The following SLC8A3 variants were observed in gnomAD, a reference collection of about 807,000 sequenced individuals.
SLC8A3 encodes the protein solute carrier family 8 member A3, also known as sodium/calcium exchanger 3.
In SLC8A3, 37 loss-of-function variants were observed where a neutral mutation model predicts 65.4. The ratio of observed to expected loss-of-function variants is 0.57; its 90% CI spans 0.44 to 0.74. The LOEUF (loss-of-function observed/expected upper bound fraction) is 0.74, where lower values mean the gene tolerates loss of function less well. Among genes scored for constraint, SLC8A3 ranks in the 30% least tolerant of loss-of-function variants. The pLI, the probability that SLC8A3 is intolerant of heterozygous loss-of-function variation, is 0.00. For synonymous variants in SLC8A3, 461 were observed against 444.5 expected, an observed-to-expected ratio of 1.04 and a Z score of -0.47; for missense variants, 1,112 against 1,172.1, an observed-to-expected ratio of 0.95 and a Z score of 0.75.
intron 2 of SLC8A3, among the ~76,000 whole-genome samples, chr14:70,126,698 C>G (rs149490341): frequency 6.6e-6 from 1 of 151,904 alleles, no homozygotes; most frequent in Non-Finnish European, 1.5e-5. Flanking sequence ...CCAGCTAGGT[C>G]TCTTTGACCT....
chr14:70,114,934 T>C (rs1156510814), intron 2 of SLC8A3, among the ~76,000 whole-genome samples: 1 of 152,106 alleles, frequency 6.6e-6, no homozygotes, highest in South Asian at 2.1e-4. Context: ...GCAGGGCAGA[T>C]ACACAAGGGA....
chr14:70,094,245 T>G (rs1011273626), intron 2 of SLC8A3, among the ~76,000 whole-genome samples: 8 of 152,222 alleles, frequency 5.3e-5, no homozygotes, highest in African/African-American at 1.7e-4. Flanking sequence ...TGCAGCCACC[T>G]ACCTGTGGGA....
intron 2 of SLC8A3, among the ~76,000 whole-genome samples, chr14:70,104,612 A>C: frequency 6.6e-6 from 1 of 152,184 alleles, no homozygotes; most frequent in East Asian, 1.9e-4. Flanking sequence ...ATATACTTGG[A>C]TTGTAGCAGA....
intron 6 of SLC8A3, chr14:70,048,550 C>A: frequency 1.5e-6 from 1 of 652,512 alleles, no homozygotes; most frequent in Non-Finnish European, 2.8e-6. Context: ...AATTGCTGAA[C>A]ACACATGGTG....
chr14:70,176,986 A>T (rs1393656563), intron 1 of SLC8A3, among the ~76,000 whole-genome samples: 1 of 152,156 alleles, frequency 6.6e-6, no homozygotes, highest in African/African-American at 2.4e-5. Context: ...GCATGCATGC[A>T]TTTATGCATT....
intron 2 of SLC8A3, among the ~76,000 whole-genome samples, chr14:70,068,502 T>A (rs1889689557): frequency 6.6e-6 from 1 of 152,020 alleles, no homozygotes; most frequent in Non-Finnish European, 1.5e-5. Context: ...CTCAGCCTCT[T>A]GAGTAGCTGG....
intron 2 of SLC8A3, among the ~76,000 whole-genome samples, chr14:70,123,305 G>A (rs1355727858): frequency 6.6e-6 from 1 of 151,684 alleles, no homozygotes; most frequent in African/African-American, 2.4e-5. Flanking sequence ...TTAAAATAAA[G>A]TCTTATCACT....
chr14:70,138,330 A>G (rs963729530), intron 2 of SLC8A3, among the ~76,000 whole-genome samples: 2 of 152,254 alleles, frequency 1.3e-5, no homozygotes, highest in Non-Finnish European at 2.9e-5. Context: ...TTCAGTACCT[A>G]GAAGAGTACC....
chr14:70,151,489 C>G (rs1287186841), intron 2 of SLC8A3, among the ~76,000 whole-genome samples: 1 of 143,818 alleles, frequency 7.0e-6, no homozygotes, highest in Admixed American at 7.0e-5. Flanking sequence ...CTGGCCTACT[C>G]CTGCCTTGAG....
At chr14:70,127,005 C>T (rs1894502533) in intron 2 of SLC8A3, among the ~76,000 whole-genome samples, 1 of 152,082 alleles carries the variant, frequency 6.6e-6, no homozygotes, top group Non-Finnish European at 1.5e-5. Flanking sequence ...CAATTCCTGG[C>T]CACTGGGAGG....
At chr14:70,048,453 G>A (rs1887047334) in intron 6 of SLC8A3, 2 of 596,364 alleles carry the variant, frequency 3.4e-6, no homozygotes, top group East Asian at 2.8e-5. Context: ...GTGGGCCTCA[G>A]TTTCTTTGTC....
At chr14:70,095,615 T>A (rs1021605281) in intron 2 of SLC8A3, among the ~76,000 whole-genome samples, 4 of 152,182 alleles carry the variant, frequency 2.6e-5, no homozygotes, top group African/African-American at 9.7e-5. Context: ...CCCTGGAATG[T>A]GGAGTTTTAA....
In SLC8A3 at chr14:70,166,731, G is replaced by A. The variant is rs771644779; in HGVS notation, c.1692C>T (p.Val564=). The A allele has an allele frequency of 1.5e-5, 25 of 1,613,836 alleles. No homozygotes were observed. Among genetic ancestry groups the A allele is most frequent in the Non-Finnish European group, 2.0e-5 (24 of 1,179,884 alleles). Residue 564 remains valine (V), a synonymous_variant, in exon 2 of 7, where the codon GTC becomes GTT. Coordinates refer to ENST00000356921, the MANE Select transcript of SLC8A3 (RefSeq NM_182932.3). ...CTGTCCCTTCTACTGTCCTAAAGGG[G>A]ACGATGACTGTACCCCGGGCACCTG... The part of the protein sequence containing the change: ...RTSGARGTVI[V]PFRTVEGTAK...
chr14:70,136,178 G>A (rs1420295331), intron 2 of SLC8A3, among the ~76,000 whole-genome samples: 2 of 152,178 alleles, frequency 1.3e-5, no homozygotes, highest in Non-Finnish European at 2.9e-5. Flanking sequence ...TGACAACCAA[G>A]GCAGAGCTGG....
intron 3 of SLC8A3, among the ~76,000 whole-genome samples, chr14:70,054,518 G>C (rs561007605): frequency 6.5e-4 from 99 of 151,638 alleles, no homozygotes; most frequent in South Asian, 1.5e-3. Flanking sequence ...TGTGAGGGGG[G>C]GCGGGTGGAG....
chr14:70,166,870 A>G lies in SLC8A3; in HGVS notation c.1553T>C (p.Val518Ala). ...LPRAVLASPC[V>A]ATVTILDDDH... ...ATCATCCAAGATGGTAACTGTGGCC[A>G]CACAAGGGGAGGCTAGGACAGCCCG... Residue 518 changes from valine to alanine, a missense_variant, in exon 2 of 7, where the codon GTG (valine) becomes GCG (alanine). Val to Ala is a moderately conservative substitution (Grantham distance 64). Coordinates refer to ENST00000356921, the MANE Select transcript of SLC8A3 (RefSeq NM_182932.3). The G allele has an allele frequency of 6.2e-7, 1 of 1,614,174 alleles. No homozygotes were observed. The highest frequency in any genetic ancestry group is 8.5e-7 in the Non-Finnish European group (1 of 1,179,986).
intron 2 of SLC8A3, among the ~76,000 whole-genome samples, chr14:70,125,221 C>T (rs2140200112): frequency 6.6e-6 from 1 of 152,264 alleles, no homozygotes; most frequent in African/African-American, 2.4e-5. Flanking sequence ...AATTTTGTTA[C>T]ATGGCCATAT....
At chr14:70,151,384 G>T (rs1896266812) in intron 2 of SLC8A3, among the ~76,000 whole-genome samples, 1 of 152,166 alleles carries the variant, frequency 6.6e-6, no homozygotes, top group Admixed American at 6.5e-5. Flanking sequence ...CTTAGAGAAA[G>T]TGGCCATTTA....
chr14:70,090,330 T>G (rs2140054800), intron 2 of SLC8A3, among the ~76,000 whole-genome samples: 1 of 152,312 alleles, frequency 6.6e-6, no homozygotes, highest in South Asian at 2.1e-4. Flanking sequence ...TCCAAGTGAA[T>G]AATTATCAGT....
Sources: allele counts gnomAD v4.1 joint callset (sites outside exome capture counted in the v4.1 genomes callset), GRCh38; gene constraint gnomAD v4.1.1; transcripts MANE v1.5; gene names NCBI Gene and HGNC (gene_info 2026-07-23, HGNC 2026-07-21).